Variants in DLGAP2 observed in about 807,000 individuals in gnomAD.
DLGAP2 encodes the protein disks large-associated protein 2.
DLGAP2 carries 26 observed loss-of-function variants against 100.3 expected under a neutral mutation model. That is an observed-to-expected ratio of 0.26 (90% CI 0.19 to 0.36). The LOEUF (loss-of-function observed/expected upper bound fraction) is 0.36. Among genes scored for constraint, DLGAP2 ranks in the 10% least tolerant of loss-of-function variants. DLGAP2 has a pLI of 1.00. For synonymous variants in DLGAP2, 886 were observed against 630.1 expected (o/e 1.41, Z -6.08); for missense variants, 1,858 against 1,453.2 (o/e 1.28, Z -4.53).
intron 3 of DLGAP2, among the ~76,000 whole-genome samples, chr8:1,489,861 CTGCTTTAAT>C (rs1295728513): frequency 6.6e-6 from 1 of 152,114 alleles, no homozygotes; most frequent in Non-Finnish European, 1.5e-5. Context: ...CTTAAGCTTT[CTGCTTTAAT>C]TGGGCATTCC....
At chr8:780,831 T>C (rs1821662903) in intron 1 of DLGAP2, among the ~76,000 whole-genome samples, 1 of 152,230 alleles carries the variant, frequency 6.6e-6, no homozygotes, top group South Asian at 2.1e-4. Context: ...CCTTCCGCCT[T>C]CCCCACACCC....
At chr8:1,597,843 A>T (rs956447237) in intron 6 of DLGAP2, among the ~76,000 whole-genome samples, 1 of 152,130 alleles carries the variant, frequency 6.6e-6, no homozygotes, top group African/African-American at 2.4e-5. Context: ...CTCTTTTCCT[A>T]TTTGAATACC....
chr8:1,592,619 A>G (rs1402298025), intron 6 of DLGAP2, among the ~76,000 whole-genome samples: 1 of 152,164 alleles, frequency 6.6e-6, no homozygotes, highest in Non-Finnish European at 1.5e-5. Context: ...TTACTGGACA[A>G]CTTCTAACTA....
intron 2 of DLGAP2, among the ~76,000 whole-genome samples, chr8:1,121,854 C>G (rs1012652494): frequency 1.3e-5 from 2 of 152,224 alleles, no homozygotes; most frequent in African/African-American, 2.4e-5. Context: ...CTCTTCAGAA[C>G]TTATAACCTT....
At chr8:808,535 C>A (rs941014631) in intron 1 of DLGAP2, among the ~76,000 whole-genome samples, 2 of 152,216 alleles carry the variant, frequency 1.3e-5, no homozygotes, top group Non-Finnish European at 2.9e-5. Flanking sequence ...CTGAATGGAA[C>A]CACAGAAACT....
Position 1,232,447 on chromosome 8 carries a change from T to A in DLGAP2, c.74-26404T>A, listed in dbSNP as rs191468875. ...ACCCTCATGGTAGTGACTACCAGGG[T>A]CAGGTGCAGGCTGTGATGAGGGGAG... On this transcript the variant is annotated intron_variant, in intron 2 of 14. Coordinates refer to ENST00000637795, the MANE Select transcript of DLGAP2 (RefSeq NM_001346810.2). 2.5e-3 allele frequency among the ~76,000 whole-genome samples: 377 copies of A among 152,268 alleles called. 4 individuals are homozygous for A. The highest frequency in any genetic ancestry group is 5.0e-3 in the Admixed American group (76 of 15,304).
At chr8:806,887 G>A (rs931551154) in intron 1 of DLGAP2, among the ~76,000 whole-genome samples, 6 of 152,208 alleles carry the variant, frequency 3.9e-5, no homozygotes, top group Non-Finnish European at 7.3e-5. Flanking sequence ...GGACCCCTAA[G>A]AGCAAGGCTG....
intron 2 of DLGAP2, among the ~76,000 whole-genome samples, chr8:1,050,088 A>T (rs1053546243): frequency 6.6e-6 from 1 of 152,238 alleles, no homozygotes; most frequent in African/African-American, 2.4e-5. Context: ...ACAGGCAGTC[A>T]CACACATACA....
At chr8:1,491,201 T>C (rs1799374447) in intron 3 of DLGAP2, among the ~76,000 whole-genome samples, 1 of 151,612 alleles carries the variant, frequency 6.6e-6, no homozygotes, top group Non-Finnish European at 1.5e-5. Flanking sequence ...GCATGAAATA[T>C]GTGACAAAAA....
chr8:1,499,122 G>T (rs1310841297), intron 3 of DLGAP2, among the ~76,000 whole-genome samples: 1 of 152,218 alleles, frequency 6.6e-6, no homozygotes, highest in Non-Finnish European at 1.5e-5. Flanking sequence ...CCTCATTCTT[G>T]GAGTGCTGTT....
chr8:1,290,796 G>T (rs1371496098), intron 3 of DLGAP2, among the ~76,000 whole-genome samples: 1 of 152,202 alleles, frequency 6.6e-6, no homozygotes, highest in Non-Finnish European at 1.5e-5. Context: ...ATAGCTTGGA[G>T]CTGTCAACAT....
chr8:1,198,668 C>T (rs887722300), intron 2 of DLGAP2, among the ~76,000 whole-genome samples: 11 of 152,210 alleles, frequency 7.2e-5, no homozygotes, highest in Non-Finnish European at 1.3e-4. Flanking sequence ...AGGCCCAGCT[C>T]CACCCCATGT....
intron 3 of DLGAP2, among the ~76,000 whole-genome samples, chr8:1,437,453 G>C (rs1222252646): frequency 6.6e-6 from 1 of 152,198 alleles, no homozygotes; most frequent in African/African-American, 2.4e-5. Context: ...TGTAGCGTAA[G>C]ACGATGTTTT....
At chr8:1,330,766 C>T (rs11775694) in intron 3 of DLGAP2, among the ~76,000 whole-genome samples, 1 of 116,412 alleles carries the variant, frequency 8.6e-6, no homozygotes, top group Non-Finnish European at 1.8e-5. Flanking sequence ...ACCGCTTCAT[C>T]GGGACCGAGT....
rs765642697 is a variant in DLGAP2 at position 1,501,133 on chromosome 8, A to G, written c.107-233A>G. ...GGACTCACTGCCTATGTCCGTGTCT[A>G]GGTGGGAGAAATACGTGCATCTGTG... On this transcript the variant is annotated intron_variant, in intron 3 of 14. Transcript: ENST00000637795. 3.2e-4 allele frequency among the ~76,000 whole-genome samples: 49 copies of G among 152,196 alleles called. 1 individual carries two copies. Among genetic ancestry groups the G allele is most frequent in the Admixed American group, 3.2e-3 (49 of 15,280 alleles).
chr8:1,322,853 A>G (rs907443198), intron 3 of DLGAP2, among the ~76,000 whole-genome samples: 2 of 152,160 alleles, frequency 1.3e-5, no homozygotes, highest in African/African-American at 4.8e-5. Flanking sequence ...GGTTTCTATG[A>G]TGTATCATTT....
chr8:1,164,418 G>GATTTTT (rs1796973511), intron 2 of DLGAP2, among the ~76,000 whole-genome samples: 2 of 112,006 alleles, frequency 1.8e-5, no homozygotes, highest in South Asian at 3.2e-4. Flanking sequence ...TTTCTCTGGA[G>GATTTTT]CTGCGATTCA....
intron 1 of DLGAP2, among the ~76,000 whole-genome samples, chr8:844,297 A>G (rs1797033666): frequency 6.6e-6 from 1 of 152,204 alleles, no homozygotes; most frequent in East Asian, 1.9e-4. Context: ...TTGAACTGTA[A>G]CATACCTGCA....
At chr8:1,003,072 C>G (rs1450441683) in intron 2 of DLGAP2, 1 of 152,392 alleles carries the variant, frequency 6.6e-6, no homozygotes, top group Non-Finnish European at 1.5e-5. Context: ...CCCTGAGCCA[C>G]TGTCTACCCC....
Sources: gnomAD v4.1 joint callset for allele counts (sites outside exome capture counted in the v4.1 genomes callset) on GRCh38, gnomAD v4.1.1 for gene constraint, MANE v1.5 for transcripts, NCBI Gene and HGNC (gene_info 2026-07-23, HGNC 2026-07-21) for gene names.